The following NYAP2 variants were observed in gnomAD, a reference collection of about 807,000 sequenced individuals.
NYAP2 encodes the protein neuronal tyrosine-phosphorylated phosphoinositide-3-kinase adapter 2.
A neutral mutation model predicts 50.4 loss-of-function variants in NYAP2; 23 were observed. The ratio of observed to expected loss-of-function variants is 0.46; its 90% CI spans 0.33 to 0.65. NYAP2 has a LOEUF of 0.65. NYAP2 is among the 30% of genes least tolerant of loss of function. The pLI, the probability that NYAP2 is intolerant of heterozygous loss-of-function variation, is 0.02. For missense variants in NYAP2, 885 were observed against 861.0 expected (o/e 1.03, Z -0.35); for synonymous variants, 394 against 365.2 (o/e 1.08, Z -0.90).
chr2:225,693,600 A>G, the NYAP2 span, among the ~76,000 whole-genome samples: 1 of 151,998 alleles, frequency 6.6e-6, no homozygotes, highest in Non-Finnish European at 1.5e-5. Flanking sequence ...CAGCATGGTT[A>G]TGATCTGGTA....
At chr2:225,512,852 TCTTCCTTCCTTCCTTC>T (rs762260450) in intron 3 of NYAP2, among the ~76,000 whole-genome samples, 1,310 of 123,572 alleles carry the variant, frequency 0.011, 17 homozygotes, top group Middle Eastern at 0.017. Flanking sequence ...TTTCTTTCTT[TCTTCCTTCCTTCCTTC>T]CTTCCTTCCT....
chr2:225,513,761 TG>T lies in NYAP2; in HGVS notation c.523+92del. ...GCCCAGGGGCAAGTGCCTTCTTCACTGGGCCACATAATCCTGCCTCTCACCC... is the reference window on the plus strand; with the variant it reads ...GCCCAGGGGCAAGTGCCTTCTTCACTGGCCACATAATCCTGCCTCTCACCC... On this transcript the variant is annotated intron_variant, in intron 4 of 6. Transcript: ENST00000636099. The T allele has an allele frequency of 2.9e-6, 3 of 1,022,846 alleles. No homozygotes were observed. The Admixed American group carries it at 1.0e-4, about 35-fold the overall frequency. 63.4% of individuals were successfully genotyped at this position (1,022,846 alleles called of 1,614,324 possible).
chr2:225,614,358 G>A (rs1213916830), intron 5 of NYAP2, among the ~76,000 whole-genome samples: 3 of 152,030 alleles, frequency 2.0e-5, no homozygotes, highest in Non-Finnish European at 4.4e-5. Context: ...TATTTTGAAT[G>A]AAAAACTATT....
At chr2:225,444,412 A>C (rs1689519664) in intron 3 of NYAP2, among the ~76,000 whole-genome samples, 1 of 152,196 alleles carries the variant, frequency 6.6e-6, no homozygotes, top group South Asian at 2.1e-4. Flanking sequence ...TGCAGACTGA[A>C]GTGTTTCTGA....
intron 3 of NYAP2, among the ~76,000 whole-genome samples, chr2:225,482,104 A>G (rs1409737225): frequency 1.3e-5 from 2 of 152,170 alleles, no homozygotes; most frequent in African/African-American, 4.8e-5. Flanking sequence ...GCATAGTAAT[A>G]ATTCCTATTC....
At chr2:225,529,292 C>T (rs993992255) in intron 4 of NYAP2, among the ~76,000 whole-genome samples, 2 of 151,966 alleles carry the variant, frequency 1.3e-5, no homozygotes, top group African/African-American at 4.8e-5. Flanking sequence ...CAGAGCTTGC[C>T]TATCTTTTGT....
chr2:225,697,439 T>C, the NYAP2 span, among the ~76,000 whole-genome samples: 2 of 151,984 alleles, frequency 1.3e-5, no homozygotes, highest in Non-Finnish European at 2.9e-5. Flanking sequence ...AGAAGAAATA[T>C]TTAAGCATTT....
chr2:225,541,192 C>T lies in NYAP2; in HGVS notation c.523+27520C>T, dbSNP rs562953510. 3.9e-5 allele frequency among the ~76,000 whole-genome samples: 6 copies of T among 151,930 alleles called. No individual in the cohort carries two copies. The South Asian group carries it at 6.3e-4, about 16-fold the overall frequency. On this transcript the variant is annotated intron_variant, in intron 4 of 6. Transcript: ENST00000636099. ...CTCCTTATATATTCAGGTTTTAAAT[C>T]CCTTGTTAGGTGGATAGTTTGCAAA...
chr2:225,507,958 C>T (rs141046884), intron 3 of NYAP2, among the ~76,000 whole-genome samples: 8 of 152,278 alleles, frequency 5.3e-5, no homozygotes, highest in Non-Finnish European at 8.8e-5. Flanking sequence ...CACAAATGTC[C>T]AGGCCTGTCT....
chr2:225,562,806 TA>T (rs1691898295), intron 4 of NYAP2, among the ~76,000 whole-genome samples: 1 of 152,160 alleles, frequency 6.6e-6, no homozygotes, highest in African/African-American at 2.4e-5. Context: ...AGCATCACAC[TA>T]CTTTATAATT....
chr2:225,515,742 G>C (rs1167969291), intron 4 of NYAP2, among the ~76,000 whole-genome samples: 1 of 152,098 alleles, frequency 6.6e-6, no homozygotes, highest in African/African-American at 2.4e-5. Context: ...GTGATTCTCT[G>C]TGCAGAAGTC....
chr2:225,517,718 A>C (rs1013014500), intron 4 of NYAP2, among the ~76,000 whole-genome samples: 1 of 152,162 alleles, frequency 6.6e-6, no homozygotes, highest in East Asian at 1.9e-4. Context: ...GAATAACATG[A>C]AATTTTGGTC....
chr2:225,495,439 C>T (rs1449216391), intron 3 of NYAP2, among the ~76,000 whole-genome samples: 1 of 152,162 alleles, frequency 6.6e-6, no homozygotes. Context: ...ATTCACTCAT[C>T]CCCTCCATCT....
At position 225,601,113 on chromosome 2, in the gene NYAP2, CTG is replaced by C. The variant is rs1692683170; in HGVS notation, c.1618+18082_1618+18083del. On this transcript the variant is annotated intron_variant, in intron 5 of 6. Transcript: ENST00000636099. Reference sequence around the variant, plus strand: ...CTGCTGAATCATGTGGGTAGTAATTCTGTGTTTAAGTTTTTTTTTTTTTTTTT... The same window carrying C: ...CTGCTGAATCATGTGGGTAGTAATTCTGTTTAAGTTTTTTTTTTTTTTTTT... 2.8e-5 allele frequency among the ~76,000 whole-genome samples: 4 copies of C among 145,322 alleles called. No individual in the cohort carries two copies. In the South Asian group the frequency reaches 8.6e-4, roughly 31 times the overall value.
chr2:225,607,294 A>C (rs1437920657), intron 5 of NYAP2, among the ~76,000 whole-genome samples: 1 of 152,092 alleles, frequency 6.6e-6, no homozygotes, highest in Non-Finnish European at 1.5e-5. Context: ...AGATGATGGC[A>C]AAACCATTAC....
exon 6 of NYAP2, chr2:225,626,945 C>T (rs1384746221): frequency 2.5e-6 from 4 of 1,581,316 alleles, no homozygotes; most frequent in Non-Finnish European, 3.4e-6. Context: ...AAGTCCGAAG[C>T]CACAGCACGG....
rs1692291274 is a variant in NYAP2 at position 225,582,284 on chromosome 2, T to C, written c.867T>C (p.His289=). 5 of 1,614,014 alleles carry C rather than the reference T, an allele frequency of 3.1e-6. No homozygotes were observed. The Middle Eastern group carries it at 6.6e-4, about 213-fold the overall frequency. The change falls in exon 5 of 7, where the codon CAT becomes CAC. Residue 289 remains histidine (H), a synonymous_variant. Transcript: ENST00000636099. This position sits in a 1 kb window ranked among gnomAD's most constrained non-coding sequence, Gnocchi z 7.0. ...AAGACGCCAAATGTGACTTCGACCA[T>C]CACAGCTGTTCTTCGCAGTGTGCTA...
rs558993065 is a variant in NYAP2 at position 225,549,292 on chromosome 2, G to T, written c.524-32649G>T. 2.6e-5 allele frequency among the ~76,000 whole-genome samples: 4 copies of T among 152,318 alleles called. No individual in the cohort carries two copies. The South Asian group carries it at 8.3e-4, about 32-fold the overall frequency. On this transcript the variant is annotated intron_variant, in intron 4 of 6. Transcript: ENST00000636099. ...GTCTCTACTTAACATTTTAAAATTT[G>T]TATTGTAATTATCCATTTACGTATC... is the stretch of plus-strand genomic sequence containing the variant.
the NYAP2 span, among the ~76,000 whole-genome samples, chr2:225,666,842 C>A: frequency 6.9e-6 from 1 of 144,914 alleles, no homozygotes; most frequent in Non-Finnish European, 1.5e-5. Flanking sequence ...ATTCCCCCCC[C>A]TCCATGCCCC....
Sources: allele counts gnomAD v4.1 joint callset (sites outside exome capture counted in the v4.1 genomes callset), GRCh38; gene constraint gnomAD v4.1.1; non-coding constraint Gnocchi (gnomAD v3.1); transcripts MANE v1.5; gene names NCBI Gene and HGNC (gene_info 2026-07-23, HGNC 2026-07-21).